RAB10: variants seen among roughly 807,000 people sequenced by gnomAD.
RAB10 encodes the protein RAB10, member RAS oncogene family.
RAB10 carries 5 observed loss-of-function variants against 25.7 expected under a neutral mutation model. The observed-to-expected ratio is 0.19, with a 90% CI of 0.10 to 0.41. The LOEUF (loss-of-function observed/expected upper bound fraction) is 0.41, where lower values mean the gene tolerates loss of function less well. Among genes scored for constraint, RAB10 ranks in the 10% least tolerant of loss-of-function variants. RAB10 has a pLI of 1.00. For missense variants in RAB10, 103 were observed against 245.8 expected, an observed-to-expected ratio of 0.42 and a Z score of 3.89; for synonymous variants, 89 against 86.4, an observed-to-expected ratio of 1.03 and a Z score of -0.16.
At chr2:26,085,384 G>A (rs1666954889) in intron 1 of RAB10, among the ~76,000 whole-genome samples, 2 of 151,684 alleles carry the variant, frequency 1.3e-5, no homozygotes, top group South Asian at 4.2e-4. Context: ...TGGCTACTTG[G>A]GAGGTTGAGG....
chr2:26,045,148 C>T (rs548062987), intron 1 of RAB10, among the ~76,000 whole-genome samples: 10 of 151,900 alleles, frequency 6.6e-5, no homozygotes, highest in East Asian at 1.9e-4. Flanking sequence ...TGTATAATGA[C>T]GCACAAGCAT....
At chr2:26,120,682 C>T (rs1264598683) in intron 3 of RAB10, among the ~76,000 whole-genome samples, 3 of 151,214 alleles carry the variant, frequency 2.0e-5, no homozygotes, top group East Asian at 3.9e-4. Context: ...CTCTACCTCC[C>T]GGGTTCACAC....
rs550782294 is a variant in RAB10, at chr2:26,071,148, T to C, written c.128-27514T>C. Among the ~76,000 whole-genome samples, 3 of 152,308 alleles carry C rather than the reference T, an allele frequency of 2.0e-5. No homozygotes were observed. The East Asian group carries it at 5.8e-4, about 29-fold the overall frequency. ...TCTTGACCTTTGAGCATATATCTTT[T>C]TGGTGTATGATGAAATGGGAGGTAA... On this transcript the variant is annotated intron_variant, in intron 1 of 5. Transcript: ENST00000264710.
At chr2:26,105,122 T>C (rs2149282295) in intron 2 of RAB10, among the ~76,000 whole-genome samples, 1 of 152,188 alleles carries the variant, frequency 6.6e-6, no homozygotes, top group East Asian at 1.9e-4. Flanking sequence ...TCCAGCACCA[T>C]TTGTTGGAAA....
chr2:26,114,016 G>A (rs930534589), intron 3 of RAB10, among the ~76,000 whole-genome samples: 3 of 152,006 alleles, frequency 2.0e-5, no homozygotes, highest in African/African-American at 7.2e-5. Context: ...AAAATACTTA[G>A]GAGTAAATTT....
At chr2:26,070,994 C>T (rs186295573) in intron 1 of RAB10, among the ~76,000 whole-genome samples, 12 of 152,284 alleles carry the variant, frequency 7.9e-5, no homozygotes, top group African/African-American at 1.7e-4. Flanking sequence ...CTGACCTTAG[C>T]ATGAATCAAG....
chr2:26,081,149 A>G (rs1666859685), intron 1 of RAB10, among the ~76,000 whole-genome samples: 1 of 152,146 alleles, frequency 6.6e-6, no homozygotes, highest in Admixed American at 6.5e-5. Context: ...GTAAGATGTG[A>G]CTTGCTCTTC....
intron 1 of RAB10, among the ~76,000 whole-genome samples, chr2:26,050,431 T>A (rs994717441): frequency 6.6e-5 from 10 of 152,182 alleles, no homozygotes; most frequent in African/African-American, 2.4e-4. Flanking sequence ...AAGTTCTTAA[T>A]AAAAAATTTC....
At chr2:26,069,415 T>C (rs1409051472) in intron 1 of RAB10, among the ~76,000 whole-genome samples, 1 of 152,116 alleles carries the variant, frequency 6.6e-6, no homozygotes, top group Non-Finnish European at 1.5e-5. Flanking sequence ...GCTTGGTGGC[T>C]CACACCTGTA....
chr2:26,077,538 TTA>T (rs1433887579), intron 1 of RAB10, among the ~76,000 whole-genome samples: 19 of 152,238 alleles, frequency 1.2e-4, no homozygotes, highest in Admixed American at 1.2e-3. Context: ...CATTAAGAAT[TTA>T]TGATACATTA....
chr2:26,130,120 T>G (rs1206672909), intron 5 of RAB10, among the ~76,000 whole-genome samples: 1 of 152,206 alleles, frequency 6.6e-6, no homozygotes, highest in Non-Finnish European at 1.5e-5. Context: ...TTTTGAAATT[T>G]CAACAGCTTT....
At chr2:26,104,965 C>T (rs1644077107) in intron 2 of RAB10, among the ~76,000 whole-genome samples, 1 of 152,044 alleles carries the variant, frequency 6.6e-6, no homozygotes, top group Admixed American at 6.5e-5. Context: ...TCTCAGTCTC[C>T]TGACCTCGTG....
At chr2:26,077,118 A>G (rs1303713437) in intron 1 of RAB10, among the ~76,000 whole-genome samples, 1 of 152,202 alleles carries the variant, frequency 6.6e-6, no homozygotes, top group East Asian at 1.9e-4. Context: ...AATTTCTACT[A>G]CACTAATTTT....
intron 3 of RAB10, among the ~76,000 whole-genome samples, chr2:26,120,069 ATT>A (rs1667769934): frequency 6.6e-6 from 1 of 152,186 alleles, no homozygotes; most frequent in Admixed American, 6.5e-5. Context: ...TTGATCATTT[ATT>A]TATTGGCTTC....
At chr2:26,106,169 G>A (rs999313610) in intron 2 of RAB10, among the ~76,000 whole-genome samples, 1 of 152,226 alleles carries the variant, frequency 6.6e-6, no homozygotes, top group Admixed American at 6.5e-5. Flanking sequence ...AGGACTGAAA[G>A]TGGGAAAACA....
At chr2:26,097,426 A>G (rs1667245649) in intron 1 of RAB10, among the ~76,000 whole-genome samples, 1 of 152,026 alleles carries the variant, frequency 6.6e-6, no homozygotes, top group Non-Finnish European at 1.5e-5. Context: ...AGCATGCCCT[A>G]CCACACCTGG....
At chr2:26,072,551 GA>G (rs924664788) in intron 1 of RAB10, among the ~76,000 whole-genome samples, 14 of 151,902 alleles carry the variant, frequency 9.2e-5, no homozygotes, top group African/African-American at 3.4e-4. Flanking sequence ...AAAAAAAGAA[GA>G]AAAAAAGAAA....
At chr2:26,107,274 GAAGAATTCTTAGACATAACACT>G (rs1667484452) in intron 2 of RAB10, among the ~76,000 whole-genome samples, 1 of 148,286 alleles carries the variant, frequency 6.7e-6, no homozygotes, top group African/African-American at 2.5e-5. Context: ...AAGACTAGGT[GAAGAATTCTTAGACATAACACT>G]AAACACATGA....
chr2:26,087,760 C>A (rs1359787455), intron 1 of RAB10, among the ~76,000 whole-genome samples: 1 of 152,164 alleles, frequency 6.6e-6, no homozygotes, highest in East Asian at 1.9e-4. Context: ...ATACTATGAA[C>A]TAGGATTATC....
Sources: gnomAD v4.1 joint callset for allele counts (sites outside exome capture counted in the v4.1 genomes callset) on GRCh38, gnomAD v4.1.1 for gene constraint, MANE v1.5 for transcripts, NCBI Gene and HGNC (gene_info 2026-07-23, HGNC 2026-07-21) for gene names.